PRTG: variants seen among roughly 807,000 people sequenced by gnomAD.
PRTG encodes immunoglobulin superfamily, DCC subclass, member 5.
In PRTG, 67 loss-of-function variants were observed where a neutral mutation model predicts 122.5. That is an observed-to-expected ratio of 0.55 (90% CI 0.45 to 0.67). The LOEUF (loss-of-function observed/expected upper bound fraction) is 0.67, where lower values mean the gene tolerates loss of function less well. Among genes scored for constraint, PRTG ranks in the 30% least tolerant of loss-of-function variants. The pLI is 0.00. For synonymous variants in PRTG, 554 were observed against 501.1 expected (o/e 1.11, Z -1.41); for missense variants, 1,435 against 1,415.4 (o/e 1.01, Z -0.22).
intron 2 of PRTG, among the ~76,000 whole-genome samples, chr15:55,699,191 G>C (rs1052110692): frequency 1.3e-5 from 2 of 152,160 alleles, no homozygotes; most frequent in Admixed American, 1.3e-4. Flanking sequence ...TCAATGATAT[G>C]TTCAAATTAT....
chr15:55,741,127 GTT>G (rs1295529285), intron 1 of PRTG, among the ~76,000 whole-genome samples: 2 of 152,224 alleles, frequency 1.3e-5, no homozygotes, highest in East Asian at 3.8e-4. Flanking sequence ...CCCTTGAAGT[GTT>G]TTTGGAACCC....
At chr15:55,664,737 C>A (rs1166504757) in intron 11 of PRTG, among the ~76,000 whole-genome samples, 1 of 151,900 alleles carries the variant, frequency 6.6e-6, no homozygotes, top group Non-Finnish European at 1.5e-5. Context: ...CAGGCATGTA[C>A]CACCATGCCC....
chr15:55,667,300 G>C (rs1354262232), intron 11 of PRTG, among the ~76,000 whole-genome samples: 1 of 151,056 alleles, frequency 6.6e-6, no homozygotes, highest in East Asian at 1.9e-4. Flanking sequence ...ATTAGAGGTA[G>C]CTGCAAATTG....
intron 3 of PRTG, 46 bp downstream of exon 3, chr15:55,683,741 C>T (rs765161649): frequency 1.3e-6 from 2 of 1,529,336 alleles, no homozygotes; most frequent in East Asian, 2.3e-5. Flanking sequence ...CATATGAAGT[C>T]TTCATTACTC....
intron 2 of PRTG, among the ~76,000 whole-genome samples, chr15:55,706,582 CAAAAAAAAA>C (rs59227432): frequency 1.1e-4 from 11 of 99,248 alleles, no homozygotes; most frequent in South Asian, 3.1e-4. Flanking sequence ...TTGTCTCTAC[CAAAAAAAAA>C]AAAAAAAAAA....
chr15:55,655,871 A>G (rs1236365364), intron 11 of PRTG: 1 of 152,280 alleles, frequency 6.6e-6, no homozygotes, highest in Non-Finnish European at 1.5e-5. Flanking sequence ...TAATTTGGAG[A>G]TACTACAGAC....
intron 2 of PRTG, among the ~76,000 whole-genome samples, chr15:55,723,342 C>A (rs1595677720): frequency 1.5e-5 from 2 of 134,134 alleles, no homozygotes; most frequent in African/African-American, 5.6e-5. Flanking sequence ...TGTTTTAAAA[C>A]ATGAAACAAA....
chr15:55,647,000 A>G (rs929819705), intron 11 of PRTG, among the ~76,000 whole-genome samples: 1 of 152,054 alleles, frequency 6.6e-6, no homozygotes, highest in African/African-American at 2.4e-5. Flanking sequence ...TTAGTCACAT[A>G]AAGAAGAGTC....
chr15:55,663,603 G>T (rs569813768), intron 11 of PRTG, among the ~76,000 whole-genome samples: 1 of 151,170 alleles, frequency 6.6e-6, no homozygotes, highest in South Asian at 2.1e-4. Context: ...GTGCAATGGC[G>T]CTATCTCAGC....
intron 11 of PRTG, among the ~76,000 whole-genome samples, chr15:55,653,474 T>C (rs1178286032): frequency 6.6e-6 from 1 of 152,138 alleles, no homozygotes. Context: ...TTTTTTTTTT[T>C]TTTCTGAGAT....
chr15:55,683,640 C>T (rs2059553860), intron 3 of PRTG, 147 bp downstream of exon 3: 2 of 586,196 alleles, frequency 3.4e-6, no homozygotes, highest in Non-Finnish European at 5.7e-6. Flanking sequence ...TGATCTAATT[C>T]TTTGGCTAAG....
At chr15:55,683,078 G>A (rs2059549933) in intron 3 of PRTG, among the ~76,000 whole-genome samples, 1 of 152,030 alleles carries the variant, frequency 6.6e-6, no homozygotes, top group Non-Finnish European at 1.5e-5. Flanking sequence ...TGACATTCTA[G>A]CATAGATTTA....
chr15:55,711,052 G>A (rs1039250281), intron 2 of PRTG, among the ~76,000 whole-genome samples: 1 of 150,172 alleles, frequency 6.7e-6, no homozygotes, highest in Non-Finnish European at 1.5e-5. Flanking sequence ...GATTACAGGC[G>A]CCTGCCACCA....
chr15:55,701,906 A>G (rs954161271), intron 2 of PRTG, among the ~76,000 whole-genome samples: 5 of 152,180 alleles, frequency 3.3e-5, no homozygotes, highest in African/African-American at 1.2e-4. Flanking sequence ...AATGCAAAAT[A>G]TATGGGCTGC....
chr15:55,696,911 C>A (rs1331001917), intron 2 of PRTG, among the ~76,000 whole-genome samples: 1 of 152,156 alleles, frequency 6.6e-6, no homozygotes, highest in Non-Finnish European at 1.5e-5. Context: ...AGGCTAGAGA[C>A]TTTGTAACAA....
intron 11 of PRTG, among the ~76,000 whole-genome samples, chr15:55,664,130 G>A (rs528455726): frequency 6.6e-6 from 1 of 151,874 alleles, no homozygotes; most frequent in East Asian, 1.9e-4. Context: ...TTGTTTTGGC[G>A]GGGTGGGAGG....
rs749276860 is a variant in PRTG at position 55,740,594 on chromosome 15, G to A, written c.185C>T (p.Ala62Val). The A allele has an allele frequency of 4.3e-6, 7 of 1,613,960 alleles. No homozygotes were observed. The highest frequency in any genetic ancestry group is 5.1e-6 in the Non-Finnish European group (6 of 1,179,988). The change falls in exon 2 of 20, where the codon GCT (alanine) becomes GTT (valine). Residue 62 changes from alanine (A) to valine (V), a missense_variant. Coordinates refer to ENST00000389286, the MANE Select transcript of PRTG (RefSeq NM_173814.6). Reference sequence around the variant, plus strand: ...GACCTTAATAGGAACTTCTCCGTGAGCCTGGCAATCTAAAACGACTGGGTC... The same window carrying A: ...GACCTTAATAGGAACTTCTCCGTGAACCTGGCAATCTAAAACGACTGGGTC... Reference protein sequence around the residue: ...RKDPVVLDCQAHGEVPIKVTW... With the variant: ...RKDPVVLDCQVHGEVPIKVTW...
At chr15:55,622,380 G>A (rs981923189) in intron 18 of PRTG, among the ~76,000 whole-genome samples, 6 of 106,868 alleles carry the variant, frequency 5.6e-5, no homozygotes, top group African/African-American at 2.1e-4. Flanking sequence ...ATCACACCCA[G>A]CTAATTTTTT....
chr15:55,680,409 T>C (rs2059531015), intron 5 of PRTG, 82 bp downstream of exon 5: 1 of 1,403,516 alleles, frequency 7.1e-7, no homozygotes. Context: ...TTTTTGTATA[T>C]AAAATAAACA....
Sources: gnomAD v4.1 joint callset for allele counts (sites outside exome capture counted in the v4.1 genomes callset) on GRCh38, gnomAD v4.1.1 for gene constraint, MANE v1.5 for transcripts, NCBI Gene and HGNC (gene_info 2026-07-23, HGNC 2026-07-21) for gene names.